LNX1: variants seen among roughly 807,000 people sequenced by gnomAD.
LNX1 encodes the protein E3 ubiquitin-protein ligase LNX.
LNX1 carries 54 observed loss-of-function variants against 68.4 expected under a neutral mutation model. That is an observed-to-expected ratio of 0.79 (90% CI 0.63 to 0.99). The LOEUF is 0.99. Among genes scored for constraint, LNX1 ranks in the 50% least tolerant of loss-of-function variants. The probability of loss-of-function intolerance (pLI) is 0.00; values close to 1 mark genes in which losing one functional copy is unlikely to be tolerated. For synonymous variants in LNX1, 336 were observed against 350.0 expected (o/e 0.96, Z 0.45); for missense variants, 906 against 926.4 (o/e 0.98, Z 0.29).
intron 1 of LNX1, among the ~76,000 whole-genome samples, chr4:53,644,521 A>G (rs1237946609): frequency 6.6e-6 from 1 of 152,238 alleles, no homozygotes; most frequent in African/African-American, 2.4e-5. Flanking sequence ...CTGTGTTGAC[A>G]TATGCTATAT....
intron 6 of LNX1, among the ~76,000 whole-genome samples, chr4:53,483,972 G>C (rs1188503546): frequency 6.6e-6 from 1 of 152,188 alleles, no homozygotes; most frequent in Non-Finnish European, 1.5e-5. Context: ...AGGTGATTAG[G>C]TCATGAAGGC....
intron 9 of LNX1, among the ~76,000 whole-genome samples, chr4:53,470,431 A>G (rs547580270): frequency 0.012 from 1,801 of 152,324 alleles, 35 homozygotes; most frequent in African/African-American, 0.04. Context: ...AACTGGCACA[A>G]GACAGGGATG....
At chr4:53,497,938 A>G (rs1335826927) in intron 5 of LNX1, among the ~76,000 whole-genome samples, 1 of 152,232 alleles carries the variant, frequency 6.6e-6, no homozygotes, top group East Asian at 1.9e-4. Context: ...GATAGAAAAT[A>G]TACGAGCAGG....
upstream of LNX1, among the ~76,000 whole-genome samples, chr4:53,592,406 T>G (rs373190732): frequency 1.3e-5 from 2 of 152,192 alleles, no homozygotes; most frequent in East Asian, 3.9e-4. Flanking sequence ...AGCAGGCAGC[T>G]GGGAGGTATC....
rs4864798 is a variant in LNX1, at chr4:53,568,133, C to A, written c.380+5490G>T. Among the ~76,000 whole-genome samples the A allele has an allele frequency of 7.9e-3, 1,201 of 151,160 alleles. 13 individuals are homozygous for A. Among genetic ancestry groups the A allele is most frequent in the African/African-American group, 0.028 (1,118 of 40,492 alleles). On this transcript the variant is annotated intron_variant, in intron 2 of 10. Transcript: ENST00000263925. ...TTGATAGAAAAAGAGGGAATCCTCC[C>A]TAACTCATTTTATGAGGCCAGCTTC...
chr4:53,634,787 T>G (rs1184327936), intron 1 of LNX1, among the ~76,000 whole-genome samples: 1 of 151,978 alleles, frequency 6.6e-6, no homozygotes, highest in Non-Finnish European at 1.5e-5. Context: ...CTGGCATGTT[T>G]GTCCTGGGAA....
intron 9 of LNX1, among the ~76,000 whole-genome samples, chr4:53,472,155 C>G (rs1560614068): frequency 6.6e-6 from 1 of 152,052 alleles, no homozygotes; most frequent in Non-Finnish European, 1.5e-5. Context: ...TACTATGTAG[C>G]CATAAAAAAG....
chr4:53,478,806 A>C, intron 7 of LNX1, 64 bp from the exon 8 acceptor site: 1 of 1,510,090 alleles, frequency 6.6e-7, no homozygotes, highest in South Asian at 1.2e-5. Context: ...TTGAATGTAG[A>C]AAATGCAAAG....
chr4:53,535,250 A>AT (rs1196270304), intron 2 of LNX1, among the ~76,000 whole-genome samples: 1 of 152,238 alleles, frequency 6.6e-6, no homozygotes, highest in Admixed American at 6.5e-5. Context: ...CCCATAAACC[A>AT]TGGAGACCAG....
At chr4:53,633,424 AT>A (rs1357969557) in intron 1 of LNX1, among the ~76,000 whole-genome samples, 2 of 151,766 alleles carry the variant, frequency 1.3e-5, no homozygotes, top group Non-Finnish European at 2.9e-5. Context: ...TCTTCATCTC[AT>A]TTTTTACAGT....
At chr4:53,526,996 A>G (rs549485874) in intron 2 of LNX1, among the ~76,000 whole-genome samples, 2 of 151,620 alleles carry the variant, frequency 1.3e-5, no homozygotes, top group Non-Finnish European at 2.9e-5. Flanking sequence ...TGAGGAATAC[A>G]TAAGAGGCTA....
intron 2 of LNX1, among the ~76,000 whole-genome samples, chr4:53,535,301 C>T (rs1398129199): frequency 5.3e-5 from 8 of 152,250 alleles, no homozygotes; most frequent in African/African-American, 1.9e-4. Context: ...CTCTTTTAGT[C>T]CTTTTTGCAA....
chr4:53,469,743 G>A (rs1305846119), intron 9 of LNX1, among the ~76,000 whole-genome samples: 7 of 151,198 alleles, frequency 4.6e-5, no homozygotes, highest in South Asian at 4.2e-4. Context: ...AAATCTAGAA[G>A]AAATGGATAA....
chr4:53,611,843 A>T (rs1207928897), intron 2 of LNX1, among the ~76,000 whole-genome samples: 1 of 152,188 alleles, frequency 6.6e-6, no homozygotes, highest in African/African-American at 2.4e-5. Flanking sequence ...GGTAGGACAA[A>T]CCCTCCCAAT....
intron 9 of LNX1, among the ~76,000 whole-genome samples, chr4:53,471,067 A>T (rs1723131127): frequency 1.3e-5 from 1 of 77,584 alleles, no homozygotes; most frequent in African/African-American, 4.5e-5. Flanking sequence ...AGCTGGAGGC[A>T]TCGCACTACC....
At chr4:53,553,640 T>A (rs189663014) in intron 2 of LNX1, among the ~76,000 whole-genome samples, 5 of 152,244 alleles carry the variant, frequency 3.3e-5, no homozygotes, top group Admixed American at 6.5e-5. Context: ...TCAAAAAGAA[T>A]GTTCATGGAG....
rs1728963085 is a variant in LNX1, at chr4:53,544,456, A to G, written c.380+29167T>C. 2.0e-5 allele frequency among the ~76,000 whole-genome samples: 3 copies of G among 152,010 alleles called. No individual in the cohort carries two copies. In the South Asian group the frequency reaches 6.2e-4, roughly 32 times the overall value. On this transcript the variant is annotated intron_variant, in intron 2 of 10. Coordinates refer to ENST00000263925, the MANE Select transcript of LNX1 (RefSeq NM_001126328.3). Reference sequence around the variant, plus strand: ...GTGATCCACCCCTTCGGCCTCCCAAAGTGCTGGGATTACAGATGTGAGCCA... The same window carrying G: ...GTGATCCACCCCTTCGGCCTCCCAAGGTGCTGGGATTACAGATGTGAGCCA...
intron 6 of LNX1, among the ~76,000 whole-genome samples, chr4:53,494,583 C>T (rs1036711906): frequency 3.3e-5 from 5 of 152,196 alleles, no homozygotes; most frequent in African/African-American, 9.6e-5. Flanking sequence ...CCTGCATCAG[C>T]ATCATACTTA....
chr4:53,489,716 C>T (rs1724554713), intron 6 of LNX1, among the ~76,000 whole-genome samples: 3 of 152,098 alleles, frequency 2.0e-5, no homozygotes, highest in Admixed American at 2.0e-4. Flanking sequence ...CACACTTTAT[C>T]AAGAATGCAT....
Sources: allele counts gnomAD v4.1 joint callset (sites outside exome capture counted in the v4.1 genomes callset), GRCh38; gene constraint gnomAD v4.1.1; transcripts MANE v1.5; gene names NCBI Gene and HGNC (gene_info 2026-07-23, HGNC 2026-07-21).